SORCS2: variants seen among roughly 807,000 people sequenced by gnomAD.
SORCS2 encodes VPS10 domain-containing receptor SorCS2.
In SORCS2, 100 loss-of-function variants were observed where a neutral mutation model predicts 141.6. The observed-to-expected ratio is 0.71, with a 90% confidence interval of 0.60 to 0.83. The LOEUF (loss-of-function observed/expected upper bound fraction) is 0.83, where lower values mean the gene tolerates loss of function less well. Among genes scored for constraint, SORCS2 ranks in the 40% least tolerant of loss-of-function variants. SORCS2 has a pLI of 0.00. For missense variants in SORCS2, 1,646 were observed against 1,560.2 expected (o/e 1.05, Z -0.93); for synonymous variants, 789 against 676.9 (o/e 1.17, Z -2.57).
At chr4:7,355,939 T>A (rs1244467101) in intron 1 of SORCS2, among the ~76,000 whole-genome samples, 1 of 152,218 alleles carries the variant, frequency 6.6e-6, no homozygotes, top group African/African-American at 2.4e-5. Context: ...CCTGCAATGC[T>A]CCACCTGCCC....
chr4:7,537,482 G>C (rs1323620857), intron 3 of SORCS2, among the ~76,000 whole-genome samples: 1 of 152,190 alleles, frequency 6.6e-6, no homozygotes, highest in Non-Finnish European at 1.5e-5. Flanking sequence ...ATGGGGGTGA[G>C]ACCCTACTAG....
Position 7,740,762 on chromosome 4 carries a change from C to T in SORCS2, c.*498C>T. The T allele has an allele frequency of 3.0e-6, 1 of 336,080 alleles. No homozygotes were observed. The highest frequency in any genetic ancestry group is 4.5e-5 in the Admixed American group (1 of 22,018). 20.8% of individuals were successfully genotyped at this position (336,080 alleles called of 1,614,324 possible). A position where few individuals can be genotyped will look rare whatever the true frequency, so the allele number is the denominator to read the frequency against. On this transcript the variant is annotated 3_prime_UTR_variant, in exon 27 of 27. Coordinates refer to ENST00000507866, the MANE Select transcript of SORCS2 (RefSeq NM_020777.3). ...TGTGGGAGCCCGGGTGCCAGGCCCT[C>T]CCAACACCACACCACCCTCCAGGCC...
intron 17 of SORCS2, among the ~76,000 whole-genome samples, chr4:7,715,573 A>T (rs1726138132): frequency 6.6e-6 from 1 of 152,234 alleles, no homozygotes; most frequent in Non-Finnish European, 1.5e-5. Context: ...CTGAGCCCAC[A>T]TGGGCCAGTG....
intron 2 of SORCS2, chr4:7,434,793 G>A: frequency 6.2e-7 from 1 of 1,610,858 alleles, no homozygotes; most frequent in South Asian, 1.1e-5. Flanking sequence ...ACACCGTGGA[G>A]CCCTTTGCAC....
At position 7,663,564 on chromosome 4, in the gene SORCS2, C is replaced by T. The variant is rs1002193322; in HGVS notation, c.953-789C>T. The stretch of plus-strand genomic sequence containing the variant: ...TACCCTCTGTGTACACTGCCTTCTG[C>T]CTCCTCTGAACAGACCGGGCAGGTG... On this transcript the variant is annotated intron_variant, in intron 6 of 26. Coordinates refer to ENST00000507866, the MANE Select transcript of SORCS2 (RefSeq NM_020777.3). The surrounding 1 kb of genome is among the most constrained non-coding windows in gnomAD (Gnocchi z 4.8). 2.0e-5 allele frequency among the ~76,000 whole-genome samples: 3 copies of T among 152,260 alleles called. No individual in the cohort carries two copies. Among genetic ancestry groups the T allele is most frequent in the Non-Finnish European group, 2.9e-5 (2 of 68,044 alleles).
At chr4:7,632,104 TATG>T (rs1459103791) in intron 3 of SORCS2, among the ~76,000 whole-genome samples, 1 of 152,042 alleles carries the variant, frequency 6.6e-6, no homozygotes, top group African/African-American at 2.4e-5. Context: ...ACCTAGCAGG[TATG>T]CTGTGAATAT....
At chr4:7,575,124 G>C (rs934319189) in intron 3 of SORCS2, among the ~76,000 whole-genome samples, 1 of 152,136 alleles carries the variant, frequency 6.6e-6, no homozygotes, top group East Asian at 1.9e-4. Flanking sequence ...GCCATAACCG[G>C]CATCCCTAGA....
intron 2 of SORCS2, among the ~76,000 whole-genome samples, chr4:7,436,072 C>A (rs745346246): frequency 6.6e-6 from 1 of 152,230 alleles, no homozygotes; most frequent in East Asian, 1.9e-4. Flanking sequence ...GTACAGGGGT[C>A]AGGAAGAGAA....
chr4:7,620,730 C>T (rs1429658197), intron 3 of SORCS2, among the ~76,000 whole-genome samples: 1 of 152,234 alleles, frequency 6.6e-6, no homozygotes. Context: ...GGGGCAGGAG[C>T]TCTTTGCCTT....
chr4:7,452,358 T>C (rs1577586882), intron 2 of SORCS2, among the ~76,000 whole-genome samples: 1 of 152,140 alleles, frequency 6.6e-6, no homozygotes, highest in South Asian at 2.1e-4. Flanking sequence ...GCCAGGCTGG[T>C]CTCTAACTCC....
At chr4:7,466,866 C>G (rs1729649814) in intron 2 of SORCS2, among the ~76,000 whole-genome samples, 1 of 152,120 alleles carries the variant, frequency 6.6e-6, no homozygotes, top group Non-Finnish European at 1.5e-5. Flanking sequence ...GTCACTTGAC[C>G]TCTATTTGCC....
intron 1 of SORCS2, among the ~76,000 whole-genome samples, chr4:7,349,789 T>G (rs1447403754): frequency 6.6e-6 from 1 of 152,230 alleles, no homozygotes; most frequent in Admixed American, 6.5e-5. Flanking sequence ...ACTGTTGGAC[T>G]GGACGCTCTG....
At chr4:7,671,815 TC>T (rs1722814302) in intron 8 of SORCS2, among the ~76,000 whole-genome samples, 1 of 151,584 alleles carries the variant, frequency 6.6e-6, no homozygotes, top group Non-Finnish European at 1.5e-5. Flanking sequence ...GGCCCAAAAC[TC>T]CCCCATCAAT....
At chr4:7,625,485 G>A (rs904124799) in intron 3 of SORCS2, among the ~76,000 whole-genome samples, 107 of 152,024 alleles carry the variant, frequency 7.0e-4, no homozygotes, top group African/African-American at 2.2e-3. Context: ...CACAGTCACC[G>A]TCTCTCAACC....
At chr4:7,212,109 G>C (rs1479166082) in intron 1 of SORCS2, among the ~76,000 whole-genome samples, 1 of 152,188 alleles carries the variant, frequency 6.6e-6, no homozygotes, top group East Asian at 1.9e-4. Context: ...TGGGAGCGGA[G>C]TGTAGGAGGG....
chr4:7,344,531 A>G (rs1046626063), intron 1 of SORCS2, among the ~76,000 whole-genome samples: 4 of 152,236 alleles, frequency 2.6e-5, no homozygotes, highest in African/African-American at 9.6e-5. Flanking sequence ...CTGGAGGGCA[A>G]TGTGCCCCCA....
intron 1 of SORCS2, among the ~76,000 whole-genome samples, chr4:7,279,847 C>T (rs1029366695): frequency 5.9e-5 from 9 of 151,954 alleles, no homozygotes; most frequent in Non-Finnish European, 8.8e-5. Context: ...TATTTCTGGA[C>T]GCACCTCCCC....
At chr4:7,569,670 G>A (rs933527636) in intron 3 of SORCS2, among the ~76,000 whole-genome samples, 3 of 152,172 alleles carry the variant, frequency 2.0e-5, no homozygotes, top group East Asian at 3.9e-4. Flanking sequence ...GGTTTATCAG[G>A]ACGTGGAATC....
At chr4:7,329,618 C>T (rs1004651141) in intron 1 of SORCS2, among the ~76,000 whole-genome samples, 13 of 152,136 alleles carry the variant, frequency 8.5e-5, no homozygotes, top group East Asian at 3.9e-4. Context: ...GAGAGAAACA[C>T]GAAGAAGCAT....
Sources: gnomAD v4.1 joint callset for allele counts (sites outside exome capture counted in the v4.1 genomes callset) on GRCh38, gnomAD v4.1.1 for gene constraint, Gnocchi (gnomAD v3.1) non-coding constraint, MANE v1.5 for transcripts, NCBI Gene and HGNC (gene_info 2026-07-23, HGNC 2026-07-21) for gene names.